The following CLVS1 variants were observed in gnomAD, a reference collection of about 807,000 sequenced individuals.
CLVS1 encodes the protein clavesin 1.
A neutral mutation model predicts 33.1 loss-of-function variants in CLVS1; 10 were observed. That is an observed-to-expected ratio of 0.30 (90% CI 0.19 to 0.51). The LOEUF (loss-of-function observed/expected upper bound fraction) is 0.51. CLVS1 is among the 20% of genes least tolerant of loss of function. CLVS1 has a pLI of 0.97. For synonymous variants in CLVS1, 163 were observed against 166.1 expected (o/e 0.98, Z 0.14); for missense variants, 343 against 433.4 (o/e 0.79, Z 1.85).
chr8:60,982,275 A>C, the CLVS1 span, among the ~76,000 whole-genome samples: 1 of 152,248 alleles, frequency 6.6e-6, no homozygotes. Flanking sequence ...CACTAATAGA[A>C]TTTAGGAGCT....
intron 1 of CLVS1, among the ~76,000 whole-genome samples, chr8:61,131,092 C>A (rs182355361): frequency 6.6e-6 from 1 of 152,216 alleles, no homozygotes; most frequent in African/African-American, 2.4e-5. Context: ...GTGCCTGAGC[C>A]TCAGTGGCTG....
intron 2 of CLVS1, among the ~76,000 whole-genome samples, chr8:61,251,510 C>G (rs1808948266): frequency 6.6e-6 from 1 of 152,140 alleles, no homozygotes; most frequent in Admixed American, 6.5e-5. Flanking sequence ...CTTTGTACCT[C>G]TGGTAGAATT....
intron 2 of CLVS1, among the ~76,000 whole-genome samples, chr8:61,331,941 A>G (rs773000737): frequency 6.6e-6 from 1 of 151,898 alleles, no homozygotes; most frequent in Non-Finnish European, 1.5e-5. Context: ...CTGACAAATC[A>G]TCCCTTGGAT....
At chr8:61,092,912 A>G (rs973571379) in intron 1 of CLVS1, among the ~76,000 whole-genome samples, 8 of 152,150 alleles carry the variant, frequency 5.3e-5, no homozygotes, top group African/African-American at 1.9e-4. Flanking sequence ...GGGATTGGAA[A>G]CTGGGCCACG....
chr8:61,183,287 A>G (rs965565206), intron 2 of CLVS1, among the ~76,000 whole-genome samples: 1 of 152,220 alleles, frequency 6.6e-6, no homozygotes, highest in Non-Finnish European at 1.5e-5. Flanking sequence ...ACAAACCTGC[A>G]TGTGCTGCAC....
rs558767038 is a variant in CLVS1, at chr8:61,485,690, C to T, written c.978-13765C>T. Among the ~76,000 whole-genome samples, 8 of 152,322 alleles carry T rather than the reference C, an allele frequency of 5.3e-5. No individual in the cohort carries two copies. In the South Asian group the frequency reaches 8.3e-4, roughly 16 times the overall value. ...ATTCACAATAGCAAAGACTTAGAAC[C>T]AATCCAAATGTCCACCAATGATAGA... On this transcript the variant is annotated intron_variant, in intron 5 of 5. Transcript: ENST00000325897.
rs960087568 is a variant in CLVS1, at chr8:61,305,420, A to G, written c.455+5138A>G. On this transcript the variant is annotated intron_variant, in intron 2 of 5. Transcript: ENST00000325897. ...TTACCTCCTGCATGTGAGTGAGAACATGAAATATTTGTCTTTCTGTGCCTG... is the reference window on the plus strand; with the variant it reads ...TTACCTCCTGCATGTGAGTGAGAACGTGAAATATTTGTCTTTCTGTGCCTG... Among the ~76,000 whole-genome samples, 14 of 152,096 alleles carry G rather than the reference A, an allele frequency of 9.2e-5. No homozygotes were observed. In the East Asian group the frequency reaches 1.7e-3, roughly 19 times the overall value.
At chr8:61,210,821 T>C (rs1227350608) in intron 2 of CLVS1, among the ~76,000 whole-genome samples, 1 of 152,120 alleles carries the variant, frequency 6.6e-6, no homozygotes, top group East Asian at 1.9e-4. Flanking sequence ...GATGTATAGA[T>C]TGGGGATTCC....
chr8:61,110,176 G>T (rs759941581), intron 1 of CLVS1, among the ~76,000 whole-genome samples: 2 of 152,162 alleles, frequency 1.3e-5, no homozygotes, highest in Non-Finnish European at 2.9e-5. Flanking sequence ...CACCACCAGT[G>T]GGGTCGGCCT....
At chr8:61,002,327 G>GTT in the CLVS1 span, among the ~76,000 whole-genome samples, 776 of 98,782 alleles carry the variant, frequency 7.9e-3, 16 homozygotes, top group African/African-American at 0.018. Flanking sequence ...ATGCTTGCTT[G>GTT]TTTTTTTTTT....
intron 2 of CLVS1, among the ~76,000 whole-genome samples, chr8:61,157,566 A>T (rs1409244985): frequency 1.3e-5 from 2 of 152,150 alleles, no homozygotes; most frequent in African/African-American, 4.8e-5. Flanking sequence ...AGGCTATCAC[A>T]ATTAAAAATC....
chr8:61,228,258 A>G lies in CLVS1; in HGVS notation c.-151-71419A>G, dbSNP rs547090052. On this transcript the variant is annotated intron_variant, in intron 2 of 2. Coordinates refer to the CLVS1 transcript ENST00000522621. ...TTGAAATATGGATACATTATGGAAT[A>G]GCTAAATCAAGCTATTTAACACATG... Among the ~76,000 whole-genome samples, 5 of 152,374 alleles carry G rather than the reference A, an allele frequency of 3.3e-5. No individual in the cohort carries two copies. In the East Asian group the frequency reaches 9.6e-4, roughly 29 times the overall value.
intron 1 of CLVS1, among the ~76,000 whole-genome samples, chr8:61,128,327 A>G (rs1210294546): frequency 6.6e-6 from 1 of 152,212 alleles, no homozygotes; most frequent in African/African-American, 2.4e-5. Context: ...TTTACTTTTC[A>G]TCATCATTTG....
At chr8:61,024,960 GC>G in the CLVS1 span, among the ~76,000 whole-genome samples, 1 of 151,270 alleles carries the variant, frequency 6.6e-6, no homozygotes, top group African/African-American at 2.4e-5. Flanking sequence ...CAATTCTCTT[GC>G]CTCATCCTCC....
intron 2 of CLVS1, among the ~76,000 whole-genome samples, chr8:61,162,595 A>G (rs773617871): frequency 7.9e-5 from 12 of 152,240 alleles, no homozygotes; most frequent in Non-Finnish European, 1.8e-4. Flanking sequence ...TTAGATTAAT[A>G]GGGGAAAAGC....
chr8:61,483,110 A>T (rs1449862362), intron 5 of CLVS1, among the ~76,000 whole-genome samples: 1 of 152,228 alleles, frequency 6.6e-6, no homozygotes, highest in Non-Finnish European at 1.5e-5. Context: ...ACTGAAGGCG[A>T]TAGAGACACA....
chr8:61,442,469 G>C (rs1002563669), intron 3 of CLVS1, among the ~76,000 whole-genome samples: 1 of 152,138 alleles, frequency 6.6e-6, no homozygotes, highest in Admixed American at 6.5e-5. Context: ...GAGTACAATT[G>C]CTGGGTCATA....
At chr8:61,078,413 G>A (rs1804963993) in intron 1 of CLVS1, among the ~76,000 whole-genome samples, 1 of 152,210 alleles carries the variant, frequency 6.6e-6, no homozygotes, top group Non-Finnish European at 1.5e-5. Flanking sequence ...TCCAGGGTGG[G>A]AGGGCAGGCA....
intron 1 of CLVS1, among the ~76,000 whole-genome samples, chr8:61,057,998 C>T (rs578188159): frequency 6.6e-5 from 10 of 152,206 alleles, no homozygotes; most frequent in East Asian, 5.8e-4. Context: ...TCTGGGGAGG[C>T]GCTTTAAGAA....
Sources: gnomAD v4.1 joint callset for allele counts (sites outside exome capture counted in the v4.1 genomes callset) on GRCh38, gnomAD v4.1.1 for gene constraint, MANE v1.5 for transcripts, NCBI Gene and HGNC (gene_info 2026-07-23, HGNC 2026-07-21) for gene names.